LPO: variants seen among roughly 807,000 people sequenced by gnomAD.
LPO encodes the protein salivary peroxidase.
Under a neutral mutation model 68.4 loss-of-function variants are expected in LPO, and 70 were observed. That is an observed-to-expected ratio of 1.02 (90% confidence interval 0.84 to 1.25). The LOEUF (loss-of-function observed/expected upper bound fraction) is 1.25, where lower values mean the gene tolerates loss of function less well. LPO is among the 50% of genes most tolerant of loss of function. The pLI, the probability that LPO is intolerant of heterozygous loss-of-function variation, is 0.00. For synonymous variants in LPO, 360 were observed against 357.6 expected, an observed-to-expected ratio of 1.01 and a Z score of -0.08; for missense variants, 873 against 908.4, an observed-to-expected ratio of 0.96 and a Z score of 0.50.
At chr17:58,256,966 T>C (rs910884215) in intron 9 of LPO, among the ~76,000 whole-genome samples, 6 of 150,536 alleles carry the variant, frequency 4.0e-5, no homozygotes, top group African/African-American at 1.2e-4. Context: ...CACCCTGTTG[T>C]GCTATCAAAT....
In LPO at chr17:58,267,566, G is replaced by A. The variant is rs1970294330; in HGVS notation, c.1911G>A (p.Gln637=). 6.2e-7 allele frequency: 1 copy of A among 1,611,672 alleles called. No individual in the cohort carries two copies. Among genetic ancestry groups the A allele is most frequent in the Non-Finnish European group, 8.5e-7 (1 of 1,178,308 alleles). Residue 637 remains glutamine (Q), a synonymous_variant, in exon 12 of 13, where the codon CAG becomes CAA. Coordinates refer to ENST00000262290, the MANE Select transcript of LPO (RefSeq NM_006151.3). Reference sequence around the variant, plus strand: ...CCTGCCTCTTGGGCAAGCAGTTCCAGCAGATCCGTGATGGAGACAGGCAAG... The same window carrying A: ...CCTGCCTCTTGGGCAAGCAGTTCCAACAGATCCGTGATGGAGACAGGCAAG... ...LLACLLGKQF[Q]QIRDGDRFWW...
At chr17:58,251,809 C>T (rs1419186939) in intron 7 of LPO, 1 of 538,266 alleles carries the variant, frequency 1.9e-6, no homozygotes, top group Non-Finnish European at 3.7e-6. Flanking sequence ...TAATTCCTGG[C>T]ACATGGTAAG....
intron 11 of LPO, among the ~76,000 whole-genome samples, 161 bp downstream of exon 11, chr17:58,266,487 G>T (rs1237805568): frequency 6.6e-6 from 1 of 152,014 alleles, no homozygotes; most frequent in African/African-American, 2.4e-5. Context: ...TTGAGACAGG[G>T]TCTTGCTCTG....
chr17:58,247,419 G>A (rs988629544), intron 3 of LPO, 59 bp from the exon 4 acceptor site: 22 of 1,218,984 alleles, frequency 1.8e-5, no homozygotes, highest in South Asian at 4.0e-5. Context: ...CCCCTCCAGC[G>A]GCCCCCAGCC....
At chr17:58,251,278 C>CA (rs1483649396) in intron 7 of LPO, 1 of 146,618 alleles carries the variant, frequency 6.8e-6, no homozygotes, top group Non-Finnish European at 1.5e-5. Context: ...GATTCCAACT[C>CA]AAAAAAGAAA....
At chr17:58,267,319 G>A (rs780170951) in intron 11 of LPO, 30 bp from the exon 12 acceptor site, 1 of 1,578,124 alleles carries the variant, frequency 6.3e-7, no homozygotes, top group East Asian at 2.2e-5. Flanking sequence ...AAGTCCCCGG[G>A]ATGAGACAGC....
intron 7 of LPO, chr17:58,251,752 C>A: frequency 7.0e-6 from 3 of 430,632 alleles, no homozygotes; most frequent in South Asian, 5.1e-5. Context: ...ACTGAATTGT[C>A]CACCTTACAG....
In LPO at chr17:58,267,871, C is replaced by A. The variant is rs1362681748; in HGVS notation, c.2016C>A (p.Asp672Glu). The A allele has an allele frequency of 1.9e-6, 3 of 1,614,136 alleles. No individual in the cohort carries two copies. Among genetic ancestry groups the A allele is most frequent in the Non-Finnish European group, 2.5e-6 (3 of 1,180,014 alleles). ...QKMSFSRLVC[D>E]NTRITKVPRD... ...TGTCCTTCTCACGCCTTGTCTGTGA[C>A]AACACCCGCATCACCAAGGTCCCAC... The change falls in exon 13 of 13, where the codon GAC (aspartate) becomes GAA (glutamate). Residue 672 changes from aspartate to glutamate, a missense_variant. Asp to Glu is a conservative substitution (Grantham distance 45). Transcript: ENST00000262290.
At position 58,247,572 on chromosome 17, in the gene LPO, A is replaced by G; in HGVS notation, c.259A>G (p.Asn87Asp). The change falls in exon 4 of 13, where the codon AAT becomes GAT. Residue 87 changes from asparagine to aspartate, a missense_variant. Coordinates refer to ENST00000262290, the MANE Select transcript of LPO (RefSeq NM_006151.3). ...AKGRTRTAIR[N>D]GQVWEESLKR... ...AGGCCGGACGCGCACAGCCATCCGC[A>G]ATGGACAGGTGTGGGAGGAGTCTTT... The G allele has an allele frequency of 6.2e-7, 1 of 1,614,148 alleles. No homozygotes were observed. Among genetic ancestry groups the G allele is most frequent in the Non-Finnish European group, 8.5e-7 (1 of 1,180,022 alleles).
intron 3 of LPO, among the ~76,000 whole-genome samples, chr17:58,245,380 C>T (rs752047890): frequency 5.8e-4 from 88 of 152,192 alleles, no homozygotes; most frequent in Non-Finnish European, 1.2e-3. Flanking sequence ...CTCTCTCTCT[C>T]CCCTTGGGTG....
Position 58,266,336 on chromosome 17 carries a change from T to C in LPO, c.1693+10T>C. 1 of 1,613,612 alleles carries C rather than the reference T, an allele frequency of 6.2e-7. No homozygotes were observed. The highest frequency in any genetic ancestry group is 2.2e-5 in the East Asian group (1 of 44,874). On this transcript the variant is annotated intron_variant, in intron 11 of 12. Transcript: ENST00000262290. Reference sequence around the variant, plus strand: ...GACCATGGGCAACCTGGTGAGTGTCTGAAGTCTGGCCTGCACTGGGGAAAT... The same window carrying C: ...GACCATGGGCAACCTGGTGAGTGTCCGAAGTCTGGCCTGCACTGGGGAAAT...
chr17:58,247,355 T>C, intron 3 of LPO, 123 bp from the exon 4 acceptor site: 2 of 765,446 alleles, frequency 2.6e-6, no homozygotes, highest in African/African-American at 1.8e-5. Context: ...GGCTACTGTA[T>C]TGGACAGTGC....
intron 1 of LPO, among the ~76,000 whole-genome samples, chr17:58,242,716 T>C (rs1173061691): frequency 6.6e-6 from 1 of 152,190 alleles, no homozygotes. Flanking sequence ...TTGGAGCAAA[T>C]GCAGAATGAT....
At chr17:58,252,116 G>A (rs1042588376) in intron 7 of LPO, 66 bp from the exon 8 acceptor site, 38 of 1,473,306 alleles carry the variant, frequency 2.6e-5, no homozygotes, top group Admixed American at 3.4e-5. Flanking sequence ...ACTTGCCCTG[G>A]GGAGAGGTTG....
rs1368262511 is a variant in LPO, at chr17:58,267,769, C to G, written c.1932-18C>G. On this transcript the variant is annotated intron_variant, in intron 12 of 12. Coordinates refer to ENST00000262290, the MANE Select transcript of LPO (RefSeq NM_006151.3). ...CCAGCGGCCAGACTGTGGAGTGACT[C>G]TACTTCTGTCTCTGCAGGTTCTGGT... The G allele has an allele frequency of 1.2e-6, 2 of 1,610,470 alleles. No individual in the cohort carries two copies.
At chr17:58,241,964 A>T (rs1969767389) in intron 1 of LPO, among the ~76,000 whole-genome samples, 1 of 151,952 alleles carries the variant, frequency 6.6e-6, no homozygotes, top group Non-Finnish European at 1.5e-5. Context: ...CCCTGGGGAG[A>T]CATGGCTGGG....
At chr17:58,260,475 G>A (rs1031615283) in intron 9 of LPO, among the ~76,000 whole-genome samples, 3 of 152,054 alleles carry the variant, frequency 2.0e-5, no homozygotes, top group African/African-American at 4.8e-5. Flanking sequence ...CTTCCCAATC[G>A]AGAAAGTATT....
At chr17:58,247,777 G>A (rs1030282134) in intron 4 of LPO, 139 bp downstream of exon 4, 11 of 972,340 alleles carry the variant, frequency 1.1e-5, no homozygotes, top group South Asian at 6.9e-5. Context: ...TCTTAGACCC[G>A]TAGACGAGAC....
chr17:58,246,642 GGCCCAGCGCGGCCTGCCT>G (rs1969857891), intron 3 of LPO, among the ~76,000 whole-genome samples: 1 of 152,162 alleles, frequency 6.6e-6, no homozygotes, highest in Admixed American at 6.5e-5. Context: ...AGCCCAGGGA[GGCCCAGCGCGGCCTGCCT>G]GCCTTTGTTC....
Sources: gnomAD v4.1 joint callset for allele counts (sites outside exome capture counted in the v4.1 genomes callset) on GRCh38, gnomAD v4.1.1 for gene constraint, MANE v1.5 for transcripts, NCBI Gene and HGNC (gene_info 2026-07-23, HGNC 2026-07-21) for gene names.